Variants in FNDC3B observed in about 807,000 individuals in gnomAD.
FNDC3B encodes the protein fibronectin type III domain-containing protein 3B.
A neutral mutation model predicts 151.5 loss-of-function variants in FNDC3B; 12 were observed. The observed-to-expected ratio is 0.08, with a 90% CI of 0.05 to 0.13. The LOEUF (loss-of-function observed/expected upper bound fraction) is 0.13, where lower values mean the gene tolerates loss of function less well. FNDC3B is among the 10% of genes least tolerant of loss of function. The pLI is 1.00. For synonymous variants in FNDC3B, 528 were observed against 549.0 expected, an observed-to-expected ratio of 0.96 and a Z score of 0.54; for missense variants, 1,214 against 1,505.3, an observed-to-expected ratio of 0.81 and a Z score of 3.20.
chr3:172,197,091 G>A (rs1227966283), intron 3 of FNDC3B, among the ~76,000 whole-genome samples: 1 of 152,072 alleles, frequency 6.6e-6, no homozygotes, highest in East Asian at 1.9e-4. Flanking sequence ...TGAGGCAGGA[G>A]AATCACTTGA....
chr3:172,153,208 C>T (rs1035293395), intron 3 of FNDC3B, among the ~76,000 whole-genome samples: 1 of 152,114 alleles, frequency 6.6e-6, no homozygotes, highest in South Asian at 2.1e-4. Flanking sequence ...ACAGTAAGCC[C>T]TCTAAGAAAA....
chr3:172,274,584 A>G (rs1576862421), intron 6 of FNDC3B, among the ~76,000 whole-genome samples: 2 of 152,308 alleles, frequency 1.3e-5, no homozygotes, highest in African/African-American at 2.4e-5. Flanking sequence ...ATGTATTTGC[A>G]TATGTTTGGT....
At chr3:172,322,506 A>C (rs961748473) in intron 11 of FNDC3B, among the ~76,000 whole-genome samples, 3 of 152,248 alleles carry the variant, frequency 2.0e-5, no homozygotes, top group African/African-American at 7.2e-5. Context: ...AGGGAATCAC[A>C]GAATTTTTAG....
Position 172,219,727 on chromosome 3 carries a change from G to A in FNDC3B, c.188-7144G>A, listed in dbSNP as rs767989673. The stretch of plus-strand genomic sequence containing the variant: ...GTGTAAGTGGAATCACACAATATGG[G>A]TGATCTTTTGGGTCTGATCCTAATG... On this transcript the variant is annotated intron_variant, in intron 3 of 25. Transcript: ENST00000415807. Among the ~76,000 whole-genome samples the A allele has an allele frequency of 1.1e-4, 17 of 152,306 alleles. No individual in the cohort carries two copies. In the South Asian group the frequency reaches 1.2e-3, roughly 11 times the overall value.
chr3:172,387,231 C>T (rs556437137), intron 25 of FNDC3B, among the ~76,000 whole-genome samples: 1 of 152,240 alleles, frequency 6.6e-6, no homozygotes, highest in Admixed American at 6.5e-5. Flanking sequence ...TGCTGGATTA[C>T]AGGCATGAGC....
At chr3:172,264,796 G>T (rs62281817) in intron 6 of FNDC3B, among the ~76,000 whole-genome samples, 17,560 of 152,132 alleles carry the variant, frequency 0.12, 1,055 homozygotes, top group Middle Eastern at 0.19. Flanking sequence ...TTCAATAATT[G>T]CTCTTATTTT....
chr3:172,319,119 G>A (rs934241807), intron 11 of FNDC3B, among the ~76,000 whole-genome samples: 9 of 152,176 alleles, frequency 5.9e-5, no homozygotes, highest in Non-Finnish European at 1.3e-4. Context: ...GCTTCTTGCT[G>A]AGGCTAAATT....
At chr3:172,325,409 A>G (rs1414265530) in intron 11 of FNDC3B, among the ~76,000 whole-genome samples, 1 of 152,176 alleles carries the variant, frequency 6.6e-6, no homozygotes, top group Non-Finnish European at 1.5e-5. Flanking sequence ...AATGATTTGG[A>G]TATATTTAAC....
intron 3 of FNDC3B, among the ~76,000 whole-genome samples, chr3:172,196,197 A>G (rs186412574): frequency 9.7e-4 from 147 of 152,224 alleles, no homozygotes; most frequent in Non-Finnish European, 9.9e-4. Context: ...ATGTAAAAAC[A>G]TTTTTTTAGA....
chr3:172,365,692 G>A lies in FNDC3B; in HGVS notation c.3008+2847G>A, dbSNP rs565225638. On this transcript the variant is annotated intron_variant, in intron 23 of 25. Transcript: ENST00000415807. ...TATTTATGAAGGAAGCAGCCTTAAA[G>A]TGTTACCATGAACACTTTATAAACA... 3.9e-5 allele frequency among the ~76,000 whole-genome samples: 6 copies of A among 152,314 alleles called. No homozygotes were observed. The East Asian group carries it at 9.6e-4, about 24-fold the overall frequency.
intron 1 of FNDC3B, among the ~76,000 whole-genome samples, chr3:172,104,702 A>G (rs1719556195): frequency 1.3e-5 from 2 of 152,210 alleles, no homozygotes; most frequent in East Asian, 3.8e-4. Flanking sequence ...GGGAAGAGAA[A>G]GAAAAGCCAT....
At chr3:172,051,771 A>G (rs1716665990) in intron 1 of FNDC3B, among the ~76,000 whole-genome samples, 1 of 152,200 alleles carries the variant, frequency 6.6e-6, no homozygotes. Context: ...ACAAATGAAG[A>G]TGAAAGGCAT....
chr3:172,242,600 T>C (rs1727556908), intron 4 of FNDC3B, among the ~76,000 whole-genome samples: 1 of 152,174 alleles, frequency 6.6e-6, no homozygotes, highest in Non-Finnish European at 1.5e-5. Flanking sequence ...CTGGAGTGGC[T>C]GGGATGCAGG....
intron 24 of FNDC3B, among the ~76,000 whole-genome samples, chr3:172,379,432 C>G (rs190564340): frequency 1.3e-5 from 2 of 152,362 alleles, no homozygotes; most frequent in Admixed American, 1.3e-4. Context: ...GGCACAAAGT[C>G]AATTATAGGA....
At chr3:172,130,385 A>G (rs1209506181) in intron 2 of FNDC3B, among the ~76,000 whole-genome samples, 4 of 152,190 alleles carry the variant, frequency 2.6e-5, no homozygotes, top group Admixed American at 6.5e-5. Flanking sequence ...TCTGGTTGCT[A>G]TGGCTACTCA....
intron 14 of FNDC3B, among the ~76,000 whole-genome samples, chr3:172,334,697 C>T (rs1040278955): frequency 7.2e-5 from 11 of 152,192 alleles, no homozygotes; most frequent in African/African-American, 2.4e-4. Flanking sequence ...CCACTTTGGC[C>T]TCCCAAAGTG....
At chr3:172,094,289 C>T (rs2108514504) in intron 1 of FNDC3B, among the ~76,000 whole-genome samples, 1 of 152,372 alleles carries the variant, frequency 6.6e-6, no homozygotes, top group African/African-American at 2.4e-5. Flanking sequence ...TAAAAGAAAC[C>T]TCATAGCCGT....
At chr3:172,295,248 T>C in intron 7 of FNDC3B, 115 bp from the exon 8 acceptor site, 1 of 951,962 alleles carries the variant, frequency 1.1e-6, no homozygotes, top group East Asian at 2.5e-5. Flanking sequence ...TGTCTTTCAT[T>C]GTAATTAAAC....
rs191836467 is a variant in FNDC3B at position 172,171,289 on chromosome 3, A to C, written c.187+37743A>C. On this transcript the variant is annotated intron_variant, in intron 3 of 25. Coordinates refer to ENST00000415807, the MANE Select transcript of FNDC3B (RefSeq NM_022763.4). ...ACACCTGGTTCAAAAGCATGTATTT[A>C]TCTTCTCTGAAATTAACTGGTGTTT... is the stretch of plus-strand genomic sequence containing the variant. 4.4e-3 allele frequency among the ~76,000 whole-genome samples: 666 copies of C among 152,178 alleles called. 5 individuals carry two copies. Among genetic ancestry groups the C allele is most frequent in the African/African-American group, 0.015 (631 of 41,428 alleles).
Sources: gnomAD v4.1 joint callset for allele counts (sites outside exome capture counted in the v4.1 genomes callset) on GRCh38, gnomAD v4.1.1 for gene constraint, MANE v1.5 for transcripts, NCBI Gene and HGNC (gene_info 2026-07-23, HGNC 2026-07-21) for gene names.